Variants in P2RX7 observed in about 807,000 individuals in gnomAD.
The protein encoded by P2RX7 is P2X purinoceptor 7.
P2RX7 carries 62 observed loss-of-function variants against 71.6 expected under a neutral mutation model. The observed-to-expected ratio is 0.87, with a 90% CI of 0.71 to 1.07. The LOEUF (loss-of-function observed/expected upper bound fraction) is 1.07. Among genes scored for constraint, P2RX7 ranks in the 50% least tolerant of loss-of-function variants. The pLI is 0.00. For missense variants in P2RX7, 686 were observed against 748.5 expected, an observed-to-expected ratio of 0.92 and a Z score of 0.97; for synonymous variants, 299 against 283.3, an observed-to-expected ratio of 1.06 and a Z score of -0.56.
chr12:121,179,942 G>A (rs1448380503), intron 11 of P2RX7, among the ~76,000 whole-genome samples: 6 of 151,884 alleles, frequency 4.0e-5, no homozygotes, highest in African/African-American at 1.5e-4. Context: ...CTGAGGTCAG[G>A]AGTTCAAGAC....
At chr12:121,155,039 A>G (rs1278049523) in intron 2 of P2RX7, 86 bp downstream of exon 2, 29 of 1,562,446 alleles carry the variant, frequency 1.9e-5, no homozygotes, top group Non-Finnish European at 2.5e-5. Context: ...CTACAGCCTC[A>G]CTCCAGAAAA....
At chr12:121,182,602 A>G (rs893079361) in intron 12 of P2RX7, among the ~76,000 whole-genome samples, 20 of 152,316 alleles carry the variant, frequency 1.3e-4, no homozygotes, top group African/African-American at 4.6e-4. Flanking sequence ...AAAATATGAT[A>G]TAAAAGCTTA....
intron 1 of P2RX7, among the ~76,000 whole-genome samples, chr12:121,140,270 A>G (rs1450657139): frequency 6.6e-6 from 1 of 152,188 alleles, no homozygotes; most frequent in African/African-American, 2.4e-5. Context: ...GAACCTGGGG[A>G]GAGAGGAGGG....
chr12:121,149,541 T>C lies in P2RX7; in HGVS notation c.126-5244T>C, dbSNP rs184707751. Among the ~76,000 whole-genome samples the C allele has an allele frequency of 2.3e-3, 346 of 152,232 alleles. 2 individuals carry two copies. The highest frequency in any genetic ancestry group is 7.8e-3 in the African/African-American group (322 of 41,542). On this transcript the variant is annotated intron_variant, in intron 1 of 12. Coordinates refer to ENST00000328963, the MANE Select transcript of P2RX7 (RefSeq NM_002562.6). This position sits in a 1 kb window ranked among gnomAD's most constrained non-coding sequence, Gnocchi z 4.7. ...TAAAACCATCAGATCCCATGAGACT[T>C]ACTCACTATCACGAGAACAGTATGG...
At position 121,167,711 on chromosome 12, in the gene P2RX7, C is replaced by T. The variant is rs147694021; in HGVS notation, c.881+87C>T. On this transcript the variant is annotated intron_variant, in intron 8 of 12. Coordinates refer to ENST00000328963, the MANE Select transcript of P2RX7 (RefSeq NM_002562.6). ...AGACTAATTTTGGTTTCCAAGGCAA[C>T]AAGATGAATGAAAAAAGACTTTCTC... The T allele has an allele frequency of 3.1e-4, 368 of 1,187,430 alleles. 3 individuals are homozygous for T. The highest frequency in any genetic ancestry group is 2.1e-3 in the Middle Eastern group (10 of 4,822). The allele number at this position is 1,187,430 out of a possible 1,614,324, so 73.6% of individuals were successfully genotyped here. A position where few individuals can be genotyped will look rare whatever the true frequency, so the allele number is the denominator to read the frequency against.
At chr12:121,165,535 C>A in intron 6 of P2RX7, 98 bp downstream of exon 6, 1 of 941,758 alleles carries the variant, frequency 1.1e-6, no homozygotes. Context: ...CCTATTGTCT[C>A]CCACGGTTTC....
chr12:121,164,667 G>A (rs368489709), intron 5 of P2RX7, among the ~76,000 whole-genome samples: 12 of 152,104 alleles, frequency 7.9e-5, no homozygotes, highest in East Asian at 1.9e-4. Flanking sequence ...CTGTAATCCC[G>A]GCTACTCGGG....
intron 5 of P2RX7, among the ~76,000 whole-genome samples, chr12:121,163,335 C>CAT (rs1880168221): frequency 8.0e-6 from 1 of 124,242 alleles, no homozygotes; most frequent in African/African-American, 3.2e-5. Flanking sequence ...CTTACACACA[C>CAT]ACACACACAC....
chr12:121,163,350 A>ACACG (rs1453441616), intron 5 of P2RX7, among the ~76,000 whole-genome samples: 13 of 127,360 alleles, frequency 1.0e-4, no homozygotes, highest in Non-Finnish European at 1.5e-4. Context: ...ACACACACAC[A>ACACG]CACACACGCA....
chr12:121,181,968 G>A (rs1884214912), intron 12 of P2RX7, among the ~76,000 whole-genome samples: 1 of 151,924 alleles, frequency 6.6e-6, no homozygotes, highest in South Asian at 2.1e-4. Context: ...GGACGCTGAG[G>A]TGGGAGAATT....
At chr12:121,144,363 A>G (rs1315554906) in intron 1 of P2RX7, among the ~76,000 whole-genome samples, 1 of 152,082 alleles carries the variant, frequency 6.6e-6, no homozygotes, top group Non-Finnish European at 1.5e-5. Context: ...ACACCTGGCT[A>G]ATTTTTGTAC....
At chr12:121,182,871 A>G (rs1884353172) in intron 12 of P2RX7, among the ~76,000 whole-genome samples, 1 of 152,224 alleles carries the variant, frequency 6.6e-6, no homozygotes, top group East Asian at 1.9e-4. Flanking sequence ...AACTCTGTAC[A>G]GTGGTATAAA....
chr12:121,163,997 G>A (rs537007583), intron 5 of P2RX7, among the ~76,000 whole-genome samples: 1 of 150,044 alleles, frequency 6.7e-6, no homozygotes, highest in African/African-American at 2.5e-5. Flanking sequence ...CTCCACTCAG[G>A]TTCATTTCTC....
intron 1 of P2RX7, among the ~76,000 whole-genome samples, chr12:121,133,774 T>C (rs1022491987): frequency 1.3e-5 from 2 of 152,222 alleles, no homozygotes; most frequent in African/African-American, 4.8e-5. Flanking sequence ...TCTGCCTCTA[T>C]GGATTTGCCG....
At chr12:121,136,023 A>AAAAAAAATATATATATATATAT in intron 1 of P2RX7, among the ~76,000 whole-genome samples, 4 of 15,260 alleles carry the variant, frequency 2.6e-4, no homozygotes, top group African/African-American at 3.7e-4. Flanking sequence ...AAAAAAAAAA[A>AAAAAAAATATATATATATATAT]ATATATATAT....
At chr12:121,136,331 T>C (rs1873648660) in intron 1 of P2RX7, among the ~76,000 whole-genome samples, 1 of 151,846 alleles carries the variant, frequency 6.6e-6, no homozygotes, top group South Asian at 2.1e-4. Context: ...TTTATTTCTT[T>C]TTTAGAGACA....
Position 121,187,754 on chromosome 12 carries a change from C to T in P2RX7, c.*2952C>T, listed in dbSNP as rs980062429. ...TTTAGTTTACTGTAGAAAATAATGT[C>T]ACCGCCAAAGGTGATGAGAGTCACG... is the stretch of plus-strand genomic sequence containing the variant. On this transcript the variant is annotated 3_prime_UTR_variant, in exon 13 of 13. Transcript: ENST00000328963. The T allele has an allele frequency of 3.9e-5, 6 of 152,168 alleles. No individual in the cohort carries two copies. Among genetic ancestry groups the T allele is most frequent in the Non-Finnish European group, 8.8e-5 (6 of 68,026 alleles). The allele number at this position is 152,168 out of a possible 1,614,324, so 9.4% of individuals were successfully genotyped here.
rs929122189 is a variant in P2RX7 at position 121,166,779 on chromosome 12, T to C, written c.744+592T>C. Among the ~76,000 whole-genome samples the C allele has an allele frequency of 5.3e-5, 8 of 151,842 alleles. No homozygotes were observed. In the South Asian group the frequency reaches 6.2e-4, roughly 12 times the overall value. On this transcript the variant is annotated intron_variant, in intron 7 of 12. Transcript: ENST00000328963. ...CATTTAGGCTGGGCACGGTGGCTCA[T>C]GCCTGTAATCCCAGCACTTTGGGAG...
chr12:121,137,902 G>A lies in P2RX7; in HGVS notation c.125+4807G>A, dbSNP rs12578246. ...AGCCAGGATAAGGAGACAGGGCCTC[G>A]GTTATTGAAAATGGGATACAAAGCA... On this transcript the variant is annotated intron_variant, in intron 1 of 12. Coordinates refer to ENST00000328963, the MANE Select transcript of P2RX7 (RefSeq NM_002562.6). 2.3e-3 allele frequency among the ~76,000 whole-genome samples: 356 copies of A among 152,324 alleles called. 12 individuals are homozygous for A. The East Asian group carries it at 0.056, about 24-fold the overall frequency.
Sources: gnomAD v4.1 joint callset for allele counts (sites outside exome capture counted in the v4.1 genomes callset) on GRCh38, gnomAD v4.1.1 for gene constraint, Gnocchi (gnomAD v3.1) non-coding constraint, MANE v1.5 for transcripts, NCBI Gene and HGNC (gene_info 2026-07-23, HGNC 2026-07-21) for gene names.